Variants in TMEM255B observed in about 807,000 individuals in gnomAD.
TMEM255B encodes the protein transmembrane protein 255B.
In TMEM255B, 35 loss-of-function variants were observed where a neutral mutation model predicts 34.5. That is an observed-to-expected ratio of 1.01 (90% CI 0.77 to 1.34). The LOEUF is 1.34. TMEM255B is among the 40% of genes most tolerant of loss of function. The probability of loss-of-function intolerance (pLI) is 0.00; values close to 1 mark genes in which losing one functional copy is unlikely to be tolerated. For missense variants in TMEM255B, 432 were observed against 433.2 expected, an observed-to-expected ratio of 1.00 and a Z score of 0.02; for synonymous variants, 206 against 201.2, an observed-to-expected ratio of 1.02 and a Z score of -0.20.
chr13:113,807,729 GGGCTTATGGGATGTGGGGGGTA>G, intron 8 of TMEM255B, among the ~76,000 whole-genome samples: 1 of 118,094 alleles, frequency 8.5e-6, no homozygotes, highest in East Asian at 3.0e-4. Flanking sequence ...TGTCACACGT[GGGCTTATGGGATGTGGGGGGTA>G]GTCCTCCCCG....
intron 3 of TMEM255B, among the ~76,000 whole-genome samples, chr13:113,771,698 G>A (rs2050481408): frequency 6.6e-6 from 1 of 151,810 alleles, no homozygotes; most frequent in Non-Finnish European, 1.5e-5. Flanking sequence ...TAATAACAAT[G>A]ATAATAATAA....
intron 3 of TMEM255B, among the ~76,000 whole-genome samples, chr13:113,792,602 G>A (rs1252486922): frequency 6.6e-6 from 1 of 152,236 alleles, no homozygotes; most frequent in East Asian, 1.9e-4. Context: ...GCCGTCAGAC[G>A]GGGTCAGCTG....
intron 4 of TMEM255B, among the ~76,000 whole-genome samples, chr13:113,797,169 C>T (rs565406511): frequency 3.3e-5 from 5 of 152,324 alleles, no homozygotes; most frequent in Middle Eastern, 3.4e-3. Context: ...TGGAGGGCCA[C>T]GCGGGGCATG....
intron 3 of TMEM255B, among the ~76,000 whole-genome samples, chr13:113,789,200 A>C (rs1441945653): frequency 6.7e-6 from 1 of 148,560 alleles, no homozygotes; most frequent in Non-Finnish European, 1.5e-5. Context: ...CTTCTGTTGG[A>C]ATGTAAACTC....
intron 3 of TMEM255B, among the ~76,000 whole-genome samples, chr13:113,775,671 A>G (rs891806936): frequency 3.3e-5 from 5 of 152,136 alleles, no homozygotes; most frequent in African/African-American, 7.2e-5. Context: ...ACAGCGGGGG[A>G]ATAACTGAGG....
rs963326739 is a variant in TMEM255B, at chr13:113,806,826, G to A, written c.813+1798G>A. Reference sequence around the variant, plus strand: ...CCAGAACTGGAGGCCCGCAGGGGTAGAAGGAGGAGGCCCGCAGGGGCAGAG... The same window carrying A: ...CCAGAACTGGAGGCCCGCAGGGGTAAAAGGAGGAGGCCCGCAGGGGCAGAG... On this transcript the variant is annotated intron_variant, in intron 8 of 8. Coordinates refer to ENST00000375353, the MANE Select transcript of TMEM255B (RefSeq NM_182614.4). The surrounding 1 kb of genome is among the most constrained non-coding windows in gnomAD (Gnocchi z 4.2). Among the ~76,000 whole-genome samples the A allele has an allele frequency of 7.6e-5, 8 of 105,786 alleles. No homozygotes were observed. Among genetic ancestry groups the A allele is most frequent in the Non-Finnish European group, 1.6e-4 (8 of 48,698 alleles). 69.4% of individuals were successfully genotyped at this position (105,786 alleles called of 152,430 possible). A position where few individuals can be genotyped will look rare whatever the true frequency, so the allele number is the denominator to read the frequency against.
chr13:113,765,864 T>G (rs1192932049), intron 1 of TMEM255B, among the ~76,000 whole-genome samples: 2 of 152,230 alleles, frequency 1.3e-5, no homozygotes, highest in Non-Finnish European at 2.9e-5. Context: ...TTTGCTTTCT[T>G]GAGTTCTGTG....
chr13:113,792,465 C>G (rs1011793017), intron 3 of TMEM255B, among the ~76,000 whole-genome samples: 2 of 152,252 alleles, frequency 1.3e-5, no homozygotes, highest in African/African-American at 2.4e-5. Context: ...AGCACCTTCC[C>G]TGTCTCCCCT....
intron 1 of TMEM255B, chr13:113,761,063 C>G: frequency 2.1e-6 from 1 of 469,314 alleles, no homozygotes; most frequent in African/African-American, 2.1e-5. Flanking sequence ...CTACCCTGGG[C>G]ATGTGTAAAA....
chr13:113,800,819 T>G lies in TMEM255B; in HGVS notation c.424-8T>G, dbSNP rs1369354582. On this transcript the variant is annotated splice_polypyrimidine_tract_variant and splice_region_variant and intron_variant, in intron 5 of 8. Transcript: ENST00000375353. ...GGCATGTGACCTGACAAGGCCTCTC[T>G]GCCCCAGGTCACCTGTCACTCCCTG... 1 of 1,602,164 alleles carries G rather than the reference T, an allele frequency of 6.2e-7. No homozygotes were observed. The highest frequency in any genetic ancestry group is 8.5e-7 in the Non-Finnish European group (1 of 1,174,916).
chr13:113,784,706 C>A (rs11619008), intron 3 of TMEM255B, among the ~76,000 whole-genome samples: 62,808 of 152,100 alleles, frequency 0.41, 14,292 homozygotes, highest in East Asian at 0.72. Context: ...CAGTTCCCTT[C>A]GGGTCAGTTG....
chr13:113,799,883 C>A, intron 5 of TMEM255B: 1 of 1,095,372 alleles, frequency 9.1e-7, no homozygotes, highest in Non-Finnish European at 1.3e-6. Flanking sequence ...CGTCGGAGGG[C>A]ACAGCTCTGT....
Position 113,801,655 on chromosome 13 carries a change from CA to C in TMEM255B, c.513del (p.Glu172SerfsTer31), listed in dbSNP as rs1279762383. 1.9e-6 allele frequency: 3 copies of C among 1,606,028 alleles called. No homozygotes were observed. In the East Asian group the frequency reaches 6.7e-5, roughly 36 times the overall value. ...GCCATGGTGCCCTCTCTGTGCAGCG[CA>C]GAGCCCTCGCCCGCCTACTATGAGT... ...YCCDLYACGS[A>X]EPSPAYYEFI... On this transcript the variant is annotated frameshift_variant, in exon 7 of 9. Transcript: ENST00000375353. LOFTEE classifies it high-confidence loss of function.
In TMEM255B at chr13:113,790,285, T is replaced by C. The variant is rs1224348171; in HGVS notation, c.253-4863T>C. 2.5e-5 allele frequency among the ~76,000 whole-genome samples: 3 copies of C among 118,372 alleles called. 1 individual carries two copies. Among genetic ancestry groups the C allele is most frequent in the African/African-American group, 5.3e-5 (2 of 37,406 alleles). The allele number at this position is 118,372 out of a possible 152,430, so 77.7% of individuals were successfully genotyped here. On this transcript the variant is annotated intron_variant, in intron 3 of 8. Transcript: ENST00000375353. The stretch of plus-strand genomic sequence containing the variant: ...ACTGAACTGACCAGACACGTGGACA[T>C]CCTAGCACTGAACTGACTGGACACA...
At chr13:113,762,871 G>A (rs943468115) in intron 1 of TMEM255B, among the ~76,000 whole-genome samples, 25 of 152,236 alleles carry the variant, frequency 1.6e-4, no homozygotes, top group African/African-American at 6.0e-4. Context: ...AATATTATAT[G>A]CATGCAGTGC....
In TMEM255B at chr13:113,811,783, T is replaced by A. The variant is rs1421812782; in HGVS notation, c.861T>A (p.Ser287=). The A allele has an allele frequency of 4.3e-6, 7 of 1,613,922 alleles. No individual in the cohort carries two copies. Among genetic ancestry groups the A allele is most frequent in the Non-Finnish European group, 5.9e-6 (7 of 1,179,888 alleles). Residue 287 remains serine, a synonymous_variant, in exon 9 of 9, where the codon TCT becomes TCA. Coordinates refer to ENST00000375353, the MANE Select transcript of TMEM255B (RefSeq NM_182614.4). ...CGCCCTCCTCTGCCCTGGCTTCGTC[T>A]GAGGACCTGCAGCCCCCTTCTCCAA... is the stretch of plus-strand genomic sequence containing the variant. ...PVAPSSALAS[S]EDLQPPSPSS...
chr13:113,795,788 C>T (rs1304324461), intron 4 of TMEM255B, among the ~76,000 whole-genome samples: 4 of 143,292 alleles, frequency 2.8e-5, no homozygotes, highest in Non-Finnish European at 4.5e-5. Context: ...CACAACAGAG[C>T]ACACAGCACA....
At chr13:113,778,089 A>G (rs1210095276) in intron 3 of TMEM255B, among the ~76,000 whole-genome samples, 1 of 152,208 alleles carries the variant, frequency 6.6e-6, no homozygotes, top group Non-Finnish European at 1.5e-5. Context: ...CGTGGATGGG[A>G]TGCATTCCTG....
chr13:113,763,753 C>G (rs927572025), intron 1 of TMEM255B, among the ~76,000 whole-genome samples: 1 of 152,234 alleles, frequency 6.6e-6, no homozygotes, highest in Non-Finnish European at 1.5e-5. Context: ...AAAAATCACA[C>G]TTTCCAACAT....
Sources: gnomAD v4.1 joint callset for allele counts (sites outside exome capture counted in the v4.1 genomes callset) on GRCh38, gnomAD v4.1.1 for gene constraint, Gnocchi (gnomAD v3.1) non-coding constraint, MANE v1.5 for transcripts, NCBI Gene and HGNC (gene_info 2026-07-23, HGNC 2026-07-21) for gene names.